The following ITGA11 variants were observed in gnomAD, a reference collection of about 807,000 sequenced individuals.
ITGA11 encodes the protein integrin alpha-11.
Under a neutral mutation model 141.9 loss-of-function variants are expected in ITGA11, and 97 were observed. The observed-to-expected ratio is 0.68, with a 90% CI of 0.58 to 0.81. ITGA11 has a LOEUF of 0.81. ITGA11 is among the 30% of genes least tolerant of loss of function. The pLI is 0.00. For missense variants in ITGA11, 1,387 were observed against 1,559.2 expected, an observed-to-expected ratio of 0.89 and a Z score of 1.86; for synonymous variants, 658 against 624.6, an observed-to-expected ratio of 1.05 and a Z score of -0.80.
chr15:68,350,188 A>T (rs887483053), intron 9 of ITGA11, among the ~76,000 whole-genome samples: 2 of 151,994 alleles, frequency 1.3e-5, no homozygotes, highest in African/African-American at 4.8e-5. Context: ...GGCATTTATG[A>T]TTTATTTATT....
At chr15:68,331,183 G>A (rs1894146582) in intron 14 of ITGA11, 72 bp from the exon 15 acceptor site, 2 of 1,336,424 alleles carry the variant, frequency 1.5e-6, no homozygotes, top group Non-Finnish European at 2.1e-6. Context: ...CCGAGCAGCA[G>A]GAACAATCAG....
At chr15:68,429,894 C>A (rs750158) in intron 1 of ITGA11, among the ~76,000 whole-genome samples, 51,314 of 152,086 alleles carry the variant, frequency 0.34, 9,573 homozygotes, top group South Asian at 0.46. Context: ...CTCCAGGAAG[C>A]CTTCCTTGCT....
intron 7 of ITGA11, among the ~76,000 whole-genome samples, chr15:68,353,831 C>G (rs557320709): frequency 2.0e-5 from 3 of 152,206 alleles, no homozygotes; most frequent in African/African-American, 7.2e-5. Flanking sequence ...AGGGAAAGCC[C>G]AGATTCTGAC....
At chr15:68,386,125 T>C (rs146019385) in intron 2 of ITGA11, among the ~76,000 whole-genome samples, 12 of 152,226 alleles carry the variant, frequency 7.9e-5, no homozygotes, top group Non-Finnish European at 1.8e-4. Context: ...ACTGTATCTA[T>C]AGAGAGGTCC....
At chr15:68,364,867 G>A in intron 3 of ITGA11, 69 bp from the exon 4 acceptor site, 1 of 1,469,232 alleles carries the variant, frequency 6.8e-7, no homozygotes, top group South Asian at 1.2e-5. Context: ...CCTGCTGCTG[G>A]TCTGGTCACC....
At chr15:68,363,697 C>T (rs4776398) in intron 4 of ITGA11, among the ~76,000 whole-genome samples, 2 of 152,130 alleles carry the variant, frequency 1.3e-5, no homozygotes, top group African/African-American at 2.4e-5. Flanking sequence ...CTGAAGTCCT[C>T]TCCTGCAACT....
chr15:68,306,253 G>A (rs868498306), intron 28 of ITGA11, among the ~76,000 whole-genome samples: 1 of 151,164 alleles, frequency 6.6e-6, no homozygotes, highest in Non-Finnish European at 1.5e-5. Context: ...GGGGTTGAGT[G>A]GGGGTGGAAG....
At chr15:68,309,421 C>G (rs953187852) in intron 26 of ITGA11, among the ~76,000 whole-genome samples, 17 of 152,004 alleles carry the variant, frequency 1.1e-4, no homozygotes, top group Admixed American at 9.2e-4. Context: ...AAAGGGACTT[C>G]AAAAAGTTTG....
intron 10 of ITGA11, among the ~76,000 whole-genome samples, chr15:68,341,454 C>T (rs941004354): frequency 5.3e-5 from 8 of 152,170 alleles, no homozygotes; most frequent in Non-Finnish European, 1.2e-4. Context: ...ACAAATGAGC[C>T]GTTGAGGTTC....
At chr15:68,348,807 G>A (rs373520071) in intron 10 of ITGA11, 23 bp downstream of exon 10, 3 of 1,595,812 alleles carry the variant, frequency 1.9e-6, no homozygotes, top group Non-Finnish European at 1.7e-6. Context: ...GCTGGGCTCT[G>A]TGCCCGTACC....
At chr15:68,430,087 T>C (rs529047632) in intron 1 of ITGA11, among the ~76,000 whole-genome samples, 5 of 152,326 alleles carry the variant, frequency 3.3e-5, no homozygotes, top group Non-Finnish European at 4.4e-5. Flanking sequence ...GATGTCATTG[T>C]TCCAACATTG....
intron 10 of ITGA11, among the ~76,000 whole-genome samples, chr15:68,343,152 G>T (rs898672298): frequency 3.3e-5 from 5 of 152,088 alleles, no homozygotes; most frequent in Admixed American, 3.3e-4. Context: ...AGCTCTTCTC[G>T]TTCATGAATC....
intron 16 of ITGA11, among the ~76,000 whole-genome samples, chr15:68,327,342 C>G (rs1894012541): frequency 6.6e-6 from 1 of 152,254 alleles, no homozygotes; most frequent in Admixed American, 6.5e-5. Flanking sequence ...AAGGCTCAGT[C>G]CCTTCTCCTG....
chr15:68,303,489 T>C lies in ITGA11; in HGVS notation c.3495+283A>G, dbSNP rs1024495137. Among the ~76,000 whole-genome samples, 1 of 151,824 alleles carries C rather than the reference T, an allele frequency of 6.6e-6. No individual in the cohort carries two copies. Among genetic ancestry groups the C allele is most frequent in the African/African-American group, 2.4e-5 (1 of 41,362 alleles). ...GGGAGGTTTGTTAACAGCTTGACAT[T>C]GTGGGAGAAATTTTGTGCAGTTGTT... is the stretch of plus-strand genomic sequence containing the variant. On this transcript the variant is annotated intron_variant, in intron 29 of 29. Coordinates refer to ENST00000315757, the MANE Select transcript of ITGA11 (RefSeq NM_001004439.2). The surrounding 1 kb of genome is among the most constrained non-coding windows in gnomAD (Gnocchi z 5.3).
chr15:68,416,667 T>C (rs1210178190), intron 1 of ITGA11, among the ~76,000 whole-genome samples: 1 of 152,178 alleles, frequency 6.6e-6, no homozygotes, highest in Non-Finnish European at 1.5e-5. Context: ...GGCTCACACC[T>C]ATAATCCTAG....
Position 68,328,241 on chromosome 15 carries a change from G to T in ITGA11, c.1923C>A (p.Ile641=), listed in dbSNP as rs1346805992. 1.2e-6 allele frequency: 2 copies of T among 1,613,724 alleles called. No homozygotes were observed. Among genetic ancestry groups the T allele is most frequent in the African/African-American group, 2.7e-5 (2 of 74,906 alleles). ...VILWSRPVVQ[I]NASLHFEPSK... ...ATGGCTCAAAGTGGAGGCTGGCATT[G>T]ATCTGAACCACTGGGCGGGACCTGG... Residue 641 remains isoleucine, a synonymous_variant, in exon 16 of 30, where the codon ATC becomes ATA. Transcript: ENST00000315757. This position sits in a 1 kb window ranked among gnomAD's most constrained non-coding sequence, Gnocchi z 4.8.
chr15:68,348,746 G>T, intron 10 of ITGA11, 84 bp downstream of exon 10: 1 of 1,210,788 alleles, frequency 8.3e-7, no homozygotes, highest in South Asian at 1.3e-5. Context: ...GAAGGTGGAT[G>T]ACAGATCCAG....
At chr15:68,420,496 G>C (rs1191357349) in intron 1 of ITGA11, among the ~76,000 whole-genome samples, 2 of 152,164 alleles carry the variant, frequency 1.3e-5, no homozygotes, top group Non-Finnish European at 2.9e-5. Flanking sequence ...ATGCTCAATG[G>C]CCACCAACCT....
chr15:68,387,044 A>AG (rs1896001925), intron 2 of ITGA11, among the ~76,000 whole-genome samples: 2 of 152,018 alleles, frequency 1.3e-5, no homozygotes, highest in South Asian at 4.1e-4. Context: ...GGAGGGGATG[A>AG]GGGGGAAAGG....
Sources: gnomAD v4.1 joint callset for allele counts (sites outside exome capture counted in the v4.1 genomes callset) on GRCh38, gnomAD v4.1.1 for gene constraint, Gnocchi (gnomAD v3.1) non-coding constraint, MANE v1.5 for transcripts, NCBI Gene and HGNC (gene_info 2026-07-23, HGNC 2026-07-21) for gene names.